The following STXBP5L variants were observed in gnomAD, a reference collection of about 807,000 sequenced individuals.
The protein encoded by STXBP5L is syntaxin-binding protein 5-like.
A neutral mutation model predicts 144.5 loss-of-function variants in STXBP5L; 65 were observed. The ratio of observed to expected loss-of-function variants is 0.45; its 90% CI spans 0.37 to 0.55. The LOEUF is 0.55. Ranked by LOEUF, STXBP5L falls within the 20% of genes least tolerant of loss-of-function variation. The probability of loss-of-function intolerance (pLI) is 0.00; values close to 1 mark genes in which losing one functional copy is unlikely to be tolerated. For missense variants in STXBP5L, 1,298 were observed against 1,405.5 expected, an observed-to-expected ratio of 0.92 and a Z score of 1.22; for synonymous variants, 505 against 469.6, an observed-to-expected ratio of 1.08 and a Z score of -0.97.
chr3:120,989,199 G>A lies in STXBP5L; in HGVS notation c.287+34162G>A, dbSNP rs549832017. On this transcript the variant is annotated intron_variant, in intron 3 of 26. Coordinates refer to ENST00000471454, the MANE Select transcript of STXBP5L (RefSeq NM_001308330.2). The stretch of plus-strand genomic sequence containing the variant: ...AGGTACCCAGTAGTGGGATTGCTGA[G>A]TCAACTGTTTTATGTTTTCCATAGA... Among the ~76,000 whole-genome samples, 3 of 152,176 alleles carry A rather than the reference G, an allele frequency of 2.0e-5. No homozygotes were observed. The South Asian group carries it at 6.2e-4, about 32-fold the overall frequency.
At chr3:120,993,749 G>T (rs946340571) in intron 3 of STXBP5L, among the ~76,000 whole-genome samples, 1 of 151,850 alleles carries the variant, frequency 6.6e-6, no homozygotes, top group African/African-American at 2.4e-5. Context: ...TTCCAGCTTT[G>T]TTCTTTTTCT....
At chr3:121,273,497 G>C (rs57476049) in intron 18 of STXBP5L, among the ~76,000 whole-genome samples, 177 of 151,984 alleles carry the variant, frequency 1.2e-3, no homozygotes, top group African/African-American at 4.2e-3. Context: ...CTTTTGGATT[G>C]AATCTGTTTG....
At chr3:121,101,088 A>G (rs1257257680) in intron 5 of STXBP5L, among the ~76,000 whole-genome samples, 2 of 151,122 alleles carry the variant, frequency 1.3e-5, no homozygotes, top group Admixed American at 6.7e-5. Flanking sequence ...CCAAAATTAA[A>G]TCAGTAGTGA....
intron 5 of STXBP5L, among the ~76,000 whole-genome samples, chr3:121,060,258 A>G (rs181638620): frequency 2.6e-5 from 4 of 152,146 alleles, no homozygotes; most frequent in Admixed American, 6.5e-5. Flanking sequence ...TTTTCTGTTT[A>G]TGTGATGGAT....
Position 121,423,809 on chromosome 3 carries a change from G to A in STXBP5L, c.*4712G>A, listed in dbSNP as rs1451857061. On this transcript the variant is annotated 3_prime_UTR_variant, in exon 27 of 27. Transcript: ENST00000471454. ...AGTTCTGAGTGGTCAGGGAAGGCAA[G>A]ATGTAAGATATAGTAATGGTATTTA... The A allele has an allele frequency of 6.6e-6, 1 of 152,222 alleles. No individual in the cohort carries two copies. Among genetic ancestry groups the A allele is most frequent in the Non-Finnish European group, 1.5e-5 (1 of 68,050 alleles). 9.4% of individuals were successfully genotyped at this position (152,222 alleles called of 1,614,324 possible).
intron 3 of STXBP5L, among the ~76,000 whole-genome samples, chr3:121,028,146 CATT>C (rs1395269262): frequency 2.0e-5 from 3 of 151,894 alleles, no homozygotes; most frequent in South Asian, 4.1e-4. Flanking sequence ...TTAATAGAAA[CATT>C]AGAATTAATT....
intron 5 of STXBP5L, among the ~76,000 whole-genome samples, chr3:121,100,824 A>G (rs2043382925): frequency 6.6e-6 from 1 of 151,912 alleles, no homozygotes; most frequent in African/African-American, 2.4e-5. Context: ...TCTTTGAAAG[A>G]ATAAATATTG....
chr3:121,341,815 A>T (rs1576221944), intron 20 of STXBP5L, among the ~76,000 whole-genome samples: 1 of 152,122 alleles, frequency 6.6e-6, no homozygotes, highest in East Asian at 1.9e-4. Context: ...AATTTAAAAC[A>T]GTTGAACTCG....
At chr3:121,018,329 A>G (rs1945288651) in intron 3 of STXBP5L, among the ~76,000 whole-genome samples, 1 of 152,198 alleles carries the variant, frequency 6.6e-6, no homozygotes, top group South Asian at 2.1e-4. Context: ...CTTATTATAA[A>G]GCTACAGTAA....
chr3:121,370,386 C>T (rs2045995411), intron 20 of STXBP5L, among the ~76,000 whole-genome samples: 1 of 152,114 alleles, frequency 6.6e-6, no homozygotes, highest in African/African-American at 2.4e-5. Context: ...TGTATAGCAC[C>T]TCCCCCATTC....
Position 121,421,890 on chromosome 3 carries a change from G to A in STXBP5L, c.*2793G>A, listed in dbSNP as rs1279210893. 6.6e-6 allele frequency: 1 copy of A among 152,158 alleles called. No individual in the cohort carries two copies. Among genetic ancestry groups the A allele is most frequent in the Non-Finnish European group, 1.5e-5 (1 of 68,012 alleles). 9.4% of individuals were successfully genotyped at this position (152,158 alleles called of 1,614,324 possible). ...AGGCTCTTTGAAGTAGTTAAAACGT[G>A]TCTTTCAAAATTGCTTTTATAAGCC... On this transcript the variant is annotated 3_prime_UTR_variant, in exon 27 of 27. Coordinates refer to ENST00000471454, the MANE Select transcript of STXBP5L (RefSeq NM_001308330.2).
At chr3:121,008,837 A>T (rs752770348) in intron 3 of STXBP5L, among the ~76,000 whole-genome samples, 4 of 152,068 alleles carry the variant, frequency 2.6e-5, no homozygotes, top group Non-Finnish European at 5.9e-5. Flanking sequence ...GTCCAGCACA[A>T]GGAAAATCCA....
intron 5 of STXBP5L, among the ~76,000 whole-genome samples, chr3:121,081,226 T>C (rs2042234624): frequency 6.6e-6 from 1 of 152,126 alleles, no homozygotes; most frequent in African/African-American, 2.4e-5. Context: ...CTTTATGCTA[T>C]CTCTCTGGAA....
At chr3:121,319,082 G>C (rs1434792527) in intron 20 of STXBP5L, among the ~76,000 whole-genome samples, 1 of 152,026 alleles carries the variant, frequency 6.6e-6, no homozygotes, top group African/African-American at 2.4e-5. Flanking sequence ...AATCTTTAAG[G>C]TACTGTCTGT....
intron 2 of STXBP5L, among the ~76,000 whole-genome samples, chr3:120,940,880 A>G (rs1251994345): frequency 6.6e-5 from 10 of 151,508 alleles, no homozygotes; most frequent in Non-Finnish European, 1.5e-4. Flanking sequence ...ATATAATTTG[A>G]TGTGTTTCTT....
intron 22 of STXBP5L, among the ~76,000 whole-genome samples, chr3:121,392,836 T>G (rs925833193): frequency 2.4e-4 from 36 of 147,586 alleles, no homozygotes; most frequent in Non-Finnish European, 4.8e-4. Context: ...TGCCCATTGA[T>G]AGACACTTAG....
chr3:120,974,041 CT>C (rs576893727), intron 3 of STXBP5L, among the ~76,000 whole-genome samples: 484 of 152,144 alleles, frequency 3.2e-3, no homozygotes, highest in East Asian at 8.1e-3. Context: ...ATTTATAGTC[CT>C]TTGGGTATAT....
chr3:121,024,745 C>T (rs568511202), intron 3 of STXBP5L, among the ~76,000 whole-genome samples: 4 of 152,186 alleles, frequency 2.6e-5, no homozygotes, highest in African/African-American at 9.6e-5. Flanking sequence ...AACATCTATT[C>T]CATGATATAT....
chr3:121,297,965 T>C (rs2051726209), intron 19 of STXBP5L, among the ~76,000 whole-genome samples: 1 of 152,216 alleles, frequency 6.6e-6, no homozygotes, highest in African/African-American at 2.4e-5. Context: ...TCTTTGAGAA[T>C]CCTGTTTTCA....
Sources: gnomAD v4.1 joint callset for allele counts (sites outside exome capture counted in the v4.1 genomes callset) on GRCh38, gnomAD v4.1.1 for gene constraint, MANE v1.5 for transcripts, NCBI Gene and HGNC (gene_info 2026-07-23, HGNC 2026-07-21) for gene names.